Variants in KCNK2 observed in about 807,000 individuals in gnomAD.
The protein encoded by KCNK2 is potassium channel subfamily K member 2.
KCNK2 carries 21 observed loss-of-function variants against 40.5 expected under a neutral mutation model. The ratio of observed to expected loss-of-function variants is 0.52; its 90% CI spans 0.37 to 0.75. The LOEUF is 0.75. KCNK2 is among the 30% of genes least tolerant of loss of function. The probability of loss-of-function intolerance (pLI) is 0.00; values close to 1 mark genes in which losing one functional copy is unlikely to be tolerated. For synonymous variants in KCNK2, 191 were observed against 202.2 expected, an observed-to-expected ratio of 0.94 and a Z score of 0.47; for missense variants, 399 against 531.6, an observed-to-expected ratio of 0.75 and a Z score of 2.45.
At chr1:215,069,818 G>T (rs970451410) in intron 1 of KCNK2, among the ~76,000 whole-genome samples, 1 of 152,134 alleles carries the variant, frequency 6.6e-6, no homozygotes, top group South Asian at 2.1e-4. Context: ...AATTACTTGG[G>T]ATAATGAAGG....
intron 1 of KCNK2, among the ~76,000 whole-genome samples, chr1:215,024,272 A>C (rs533454074): frequency 6.6e-6 from 1 of 152,316 alleles, no homozygotes; most frequent in South Asian, 2.1e-4. Flanking sequence ...TGGGGCCAGT[A>C]TTAGGTAAAG....
At chr1:215,215,168 T>G (rs1248659014) in intron 6 of KCNK2, among the ~76,000 whole-genome samples, 1 of 151,476 alleles carries the variant, frequency 6.6e-6, no homozygotes, top group Non-Finnish European at 1.5e-5. Context: ...ATTGATTTAA[T>G]AAGAGATAAT....
At chr1:215,034,786 T>G (rs12090549) in intron 1 of KCNK2, among the ~76,000 whole-genome samples, 3,204 of 152,212 alleles carry the variant, frequency 0.021, 113 homozygotes, top group African/African-American at 0.073. Context: ...TTGCTTTATC[T>G]TTGGACAGAA....
chr1:215,063,780 T>G (rs1294948051), intron 1 of KCNK2, among the ~76,000 whole-genome samples: 1 of 152,118 alleles, frequency 6.6e-6, no homozygotes, highest in African/African-American at 2.4e-5. Flanking sequence ...CTTAAGGAAG[T>G]GTCATACTGA....
chr1:215,037,726 G>A (rs1203239404), intron 1 of KCNK2, among the ~76,000 whole-genome samples: 1 of 151,830 alleles, frequency 6.6e-6, no homozygotes, highest in Non-Finnish European at 1.5e-5. Context: ...TATTAAGATA[G>A]TAATATAATT....
intron 1 of KCNK2, among the ~76,000 whole-genome samples, chr1:215,028,693 A>T (rs1451620475): frequency 6.6e-6 from 1 of 152,180 alleles, no homozygotes; most frequent in Non-Finnish European, 1.5e-5. Context: ...CAAATCATAA[A>T]GGTACCGTTC....
At chr1:215,006,588 A>T (rs904894471) in intron 1 of KCNK2, among the ~76,000 whole-genome samples, 1 of 152,146 alleles carries the variant, frequency 6.6e-6, no homozygotes, top group Admixed American at 6.5e-5. Context: ...TCACAAGAAT[A>T]CTGTTGTGGT....
chr1:215,076,723 G>A (rs148386232), intron 1 of KCNK2, among the ~76,000 whole-genome samples: 1 of 152,146 alleles, frequency 6.6e-6, no homozygotes, highest in Non-Finnish European at 1.5e-5. Context: ...CCACACTCGA[G>A]GGGAGGGGTG....
rs560665790 is a variant in KCNK2 at position 215,164,124 on chromosome 1, G to A, written c.476-5075G>A. Among the ~76,000 whole-genome samples, 10 of 152,088 alleles carry A rather than the reference G, an allele frequency of 6.6e-5. No individual in the cohort carries two copies. In the South Asian group the frequency reaches 1.7e-3, roughly 25 times the overall value. On this transcript the variant is annotated intron_variant, in intron 3 of 6. Coordinates refer to ENST00000444842, the MANE Select transcript of KCNK2 (RefSeq NM_001017425.3). Reference sequence around the variant, plus strand: ...TTATTATTGGTCTATTCAGGGATTCGATTTTTTCCTGGCTTAGTCTTGGGA... The same window carrying A: ...TTATTATTGGTCTATTCAGGGATTCAATTTTTTCCTGGCTTAGTCTTGGGA...
intron 6 of KCNK2, among the ~76,000 whole-genome samples, chr1:215,196,087 AT>A (rs5780818): frequency 0.85 from 123,830 of 144,998 alleles, 53,943 homozygotes; most frequent in East Asian, 0.96. Context: ...AAGTCATATA[AT>A]TTTTTTTTTT....
At chr1:215,138,358 C>A (rs1289049956) in intron 3 of KCNK2, among the ~76,000 whole-genome samples, 1 of 152,110 alleles carries the variant, frequency 6.6e-6, no homozygotes, top group African/African-American at 2.4e-5. Context: ...CCATGACATT[C>A]TGGTTTAAAA....
intron 3 of KCNK2, among the ~76,000 whole-genome samples, chr1:215,168,562 A>G (rs910263414): frequency 1.3e-5 from 2 of 152,220 alleles, no homozygotes; most frequent in Admixed American, 6.5e-5. Context: ...AGGGACATGG[A>G]TGAAGCTGGA....
intron 3 of KCNK2, among the ~76,000 whole-genome samples, chr1:215,168,131 A>G (rs1334161625): frequency 6.6e-6 from 1 of 152,234 alleles, no homozygotes; most frequent in Non-Finnish European, 1.5e-5. Flanking sequence ...ATCACTGATC[A>G]TTAGAGAAAT....
chr1:215,060,276 T>C (rs1449513633), intron 1 of KCNK2, among the ~76,000 whole-genome samples: 1 of 151,890 alleles, frequency 6.6e-6, no homozygotes, highest in Non-Finnish European at 1.5e-5. Flanking sequence ...CAAGGGGAGA[T>C]GCTAGCAGTA....
chr1:215,083,943 T>C (rs1353275283), intron 1 of KCNK2, among the ~76,000 whole-genome samples: 3 of 152,068 alleles, frequency 2.0e-5, no homozygotes, highest in African/African-American at 7.2e-5. Flanking sequence ...GCTGAGTGTG[T>C]GTGGAAGGGG....
intron 2 of KCNK2, among the ~76,000 whole-genome samples, chr1:215,096,603 G>A (rs1239593616): frequency 6.6e-6 from 1 of 151,982 alleles, no homozygotes; most frequent in Admixed American, 6.6e-5. Context: ...GTTGGGGCAA[G>A]GTAGGGTGGA....
chr1:215,060,152 G>T (rs1046883378), intron 1 of KCNK2, among the ~76,000 whole-genome samples: 2 of 152,214 alleles, frequency 1.3e-5, no homozygotes, highest in Admixed American at 6.5e-5. Flanking sequence ...ACCTGGCAGA[G>T]ATTCAGTCCG....
intron 5 of KCNK2, among the ~76,000 whole-genome samples, chr1:215,183,309 T>G (rs1664301112): frequency 6.6e-6 from 1 of 152,160 alleles, no homozygotes; most frequent in South Asian, 2.1e-4. Flanking sequence ...AGCTGCAAAC[T>G]TCAGAAGAAG....
chr1:215,035,496 T>C (rs1251350729), intron 1 of KCNK2, among the ~76,000 whole-genome samples: 2 of 152,088 alleles, frequency 1.3e-5, no homozygotes, highest in African/African-American at 4.8e-5. Flanking sequence ...CATAATGTCA[T>C]ATGATTGAAT....
Sources: gnomAD v4.1 joint callset for allele counts (sites outside exome capture counted in the v4.1 genomes callset) on GRCh38, gnomAD v4.1.1 for gene constraint, MANE v1.5 for transcripts, NCBI Gene and HGNC (gene_info 2026-07-23, HGNC 2026-07-21) for gene names.